Variants in DNAH10 observed in about 807,000 individuals in gnomAD.
DNAH10 encodes axonemal beta dynein heavy chain 10.
A neutral mutation model predicts 506.6 loss-of-function variants in DNAH10; 348 were observed. The ratio of observed to expected loss-of-function variants is 0.69; its 90% CI spans 0.63 to 0.75. The LOEUF is 0.75. Among genes scored for constraint, DNAH10 ranks in the 30% least tolerant of loss-of-function variants. DNAH10 has a pLI of 0.00. For synonymous variants in DNAH10, 2,059 were observed against 2,198.6 expected (o/e 0.94, Z 1.78); for missense variants, 5,179 against 5,787.1 (o/e 0.89, Z 3.41).
Position 123,789,917 on chromosome 12 carries a change from G to C in DNAH10, c.1621-10G>C. The C allele has an allele frequency of 6.2e-7, 1 of 1,608,142 alleles. No homozygotes were observed. The highest frequency in any genetic ancestry group is 8.5e-7 in the Non-Finnish European group (1 of 1,176,238). On this transcript the variant is annotated splice_polypyrimidine_tract_variant and intron_variant, in intron 10 of 78. Coordinates refer to ENST00000673944, the MANE Select transcript of DNAH10 (RefSeq NM_001372106.1). ...ATGTAATCTCCTCATTGTTCCGTTT[G>C]ATTGGACAGATTTTGGAGGAATTTT... is the stretch of plus-strand genomic sequence containing the variant.
Position 123,813,352 on chromosome 12 carries a change from G to A in DNAH10, c.3333G>A (p.Trp1111Ter). 3.7e-6 allele frequency: 6 copies of A among 1,614,204 alleles called. No homozygotes were observed. The highest frequency in any genetic ancestry group is 5.1e-6 in the Non-Finnish European group (6 of 1,180,042). ...LINLMKYLQK[W>*]KRYRPLWKLD... ...ATCTTATGAAGTATCTACAAAAATG[G>A]AAGCGGTATCGACCTCTCTGGAAAT... is the stretch of plus-strand genomic sequence containing the variant. The change falls in exon 20 of 79, where the codon TGG (tryptophan) becomes TGA (stop). Residue 1111 changes from tryptophan (W) to a stop codon, truncating the protein, a stop_gained. Transcript: ENST00000673944. LOFTEE classifies it high-confidence loss of function.
Position 123,914,379 on chromosome 12 carries a change from G to A in DNAH10, c.10403G>A (p.Gly3468Glu), listed in dbSNP as rs1429691254. ...ELMHRRVKLL[G>E]DCLLCAAFLS... ...ATGCACCGGCGCGTGAAGCTGCTGGGGGACTGCCTGCTCTGCGCGGCTTTC... is the reference window on the plus strand; with the variant it reads ...ATGCACCGGCGCGTGAAGCTGCTGGAGGACTGCCTGCTCTGCGCGGCTTTC... The change falls in exon 61 of 79, where the codon GGG becomes GAG. Residue 3468 changes from glycine to glutamate, a missense_variant. Physicochemically the swap from Gly to Glu is moderately conservative, Grantham distance 98. Transcript: ENST00000673944. 2.5e-6 allele frequency: 4 copies of A among 1,613,472 alleles called. No individual in the cohort carries two copies. In the South Asian group the frequency reaches 3.3e-5, roughly 13 times the overall value.
At chr12:123,855,661 AGT>A (rs1951357947) in intron 36 of DNAH10, among the ~76,000 whole-genome samples, 2 of 150,220 alleles carry the variant, frequency 1.3e-5, no homozygotes, top group East Asian at 1.9e-4. Context: ...AATAATAAAA[AGT>A]ATATATATAT....
At position 123,916,528 on chromosome 12, in the gene DNAH10, G is replaced by C; in HGVS notation, c.10794G>C (p.Leu3598=). Residue 3598 remains leucine, a synonymous_variant, in exon 63 of 79, where the codon CTG becomes CTC. Coordinates refer to ENST00000673944, the MANE Select transcript of DNAH10 (RefSeq NM_001372106.1). The surrounding 1 kb of genome is among the most constrained non-coding windows in gnomAD (Gnocchi z 4.6). The part of the protein sequence containing the change: ...EMSIKYGTPF[L]FRDVDEYIDP... ...CCATAAAGTACGGGACCCCTTTCCT[G>C]TTCCGCGATGTTGATGAATACATCG... 4 of 1,613,860 alleles carry C rather than the reference G, an allele frequency of 2.5e-6. No individual in the cohort carries two copies. Among genetic ancestry groups the C allele is most frequent in the East Asian group, 2.2e-5 (1 of 44,886 alleles).
chr12:123,878,029 C>T, intron 48 of DNAH10, 121 bp downstream of exon 48: 1 of 1,295,904 alleles, frequency 7.7e-7, no homozygotes, highest in Non-Finnish European at 1.1e-6. Context: ...TACCCAATGT[C>T]TTTGCTTATG....
chr12:123,896,148 C>CACACACACACACACACAG (rs1383690518), intron 54 of DNAH10, among the ~76,000 whole-genome samples: 9 of 95,322 alleles, frequency 9.4e-5, no homozygotes, highest in African/African-American at 4.1e-4. Context: ...CACACACACA[C>CACACACACACACACACAG]AGAGAGAGAG....
chr12:123,799,759 C>T (rs1958415163), intron 14 of DNAH10, among the ~76,000 whole-genome samples: 1 of 152,198 alleles, frequency 6.6e-6, no homozygotes, highest in South Asian at 2.1e-4. Flanking sequence ...TCCTCTTCTT[C>T]AGCTCTGGGC....
At chr12:123,852,167 G>A (rs552753086) in intron 35 of DNAH10, among the ~76,000 whole-genome samples, 3 of 152,324 alleles carry the variant, frequency 2.0e-5, no homozygotes, top group Admixed American at 1.3e-4. Flanking sequence ...CTTTGAGAAT[G>A]TTCTCTACCT....
chr12:123,799,517 G>T (rs1167622384), intron 14 of DNAH10, 146 bp downstream of exon 14: 4 of 1,173,380 alleles, frequency 3.4e-6, no homozygotes, highest in Non-Finnish European at 4.6e-6. Flanking sequence ...GGAGGAGAAA[G>T]GAAAGAGTGG....
intron 13 of DNAH10, among the ~76,000 whole-genome samples, chr12:123,797,399 T>TTCTTTTTCTTA (rs1958320688): frequency 6.7e-6 from 1 of 149,976 alleles, no homozygotes; most frequent in South Asian, 2.1e-4. Context: ...TCTTTTTCTT[T>TTCTTTTTCTTA]TTTTTTTTTT....
intron 65 of DNAH10, among the ~76,000 whole-genome samples, chr12:123,920,083 A>AT (rs1047170195): frequency 5.9e-5 from 9 of 152,116 alleles, no homozygotes; most frequent in African/African-American, 1.9e-4. Flanking sequence ...TAAATCATTG[A>AT]TTTTTTCAAA....
At chr12:123,783,847 G>C in intron 7 of DNAH10, 100 bp from the exon 8 acceptor site, 1 of 1,084,396 alleles carries the variant, frequency 9.2e-7, no homozygotes, top group South Asian at 1.5e-5. Context: ...CTGAAGGATT[G>C]GAGCAGTTGG....
chr12:123,923,211 T>TG (rs1954804670), intron 65 of DNAH10: 1 of 152,268 alleles, frequency 6.6e-6, no homozygotes, highest in African/African-American at 2.4e-5. Flanking sequence ...TCTGGCCCAC[T>TG]GCCTGCTTTT....
intron 52 of DNAH10, among the ~76,000 whole-genome samples, 187 bp from the exon 53 acceptor site, chr12:123,893,046 A>G (rs1348391069): frequency 6.6e-6 from 1 of 152,222 alleles, no homozygotes; most frequent in Non-Finnish European, 1.5e-5. Context: ...TTTGACAGAC[A>G]GGAGCTGGAG....
chr12:123,766,974 C>G (rs191231124), intron 1 of DNAH10, among the ~76,000 whole-genome samples: 1 of 147,084 alleles, frequency 6.8e-6, no homozygotes, highest in African/African-American at 2.5e-5. Context: ...GGTGTGATCT[C>G]GGCTCACTGC....
chr12:123,802,494 T>TG (rs1369495287), intron 16 of DNAH10, among the ~76,000 whole-genome samples: 2 of 152,134 alleles, frequency 1.3e-5, no homozygotes, highest in Non-Finnish European at 2.9e-5. Flanking sequence ...TTAGTAGAGA[T>TG]GGGGTTTTGC....
intron 21 of DNAH10, among the ~76,000 whole-genome samples, chr12:123,816,980 GT>G (rs545922832): frequency 1.3e-5 from 2 of 151,448 alleles, no homozygotes; most frequent in Non-Finnish European, 2.9e-5. Context: ...CCAACTTTGG[GT>G]TTTTTTTATC....
intron 47 of DNAH10, 95 bp from the exon 48 acceptor site, chr12:123,877,641 T>C: frequency 6.9e-7 from 1 of 1,447,716 alleles, no homozygotes; most frequent in Non-Finnish European, 9.2e-7. Context: ...TATAGCTTAG[T>C]AATAGTCCAT....
chr12:123,820,700 A>AC lies in DNAH10; in HGVS notation c.4121_4122insC (p.Lys1374AsnfsTer17). On this transcript the variant is annotated frameshift_variant, in exon 24 of 79. Transcript: ENST00000673944. LOFTEE classifies it high-confidence loss of function. ...ATTACAATGTACCCAGAGCTGCTGAAAGTGCAGAAGGAAATGAGTGGGCTG... is the reference window on the plus strand; with the variant it reads ...ATTACAATGTACCCAGAGCTGCTGAACAGTGCAGAAGGAAATGAGTGGGCTG... The AC allele has an allele frequency of 6.2e-7, 1 of 1,614,024 alleles. No homozygotes were observed.
Sources: allele counts gnomAD v4.1 joint callset (sites outside exome capture counted in the v4.1 genomes callset), GRCh38; gene constraint gnomAD v4.1.1; non-coding constraint Gnocchi (gnomAD v3.1); transcripts MANE v1.5; gene names NCBI Gene and HGNC (gene_info 2026-07-23, HGNC 2026-07-21).